The following KIF13A variants were observed in gnomAD, a reference collection of about 807,000 sequenced individuals.
KIF13A encodes kinesin-like protein KIF13A.
In KIF13A, 79 loss-of-function variants were observed where a neutral mutation model predicts 212.2. The observed-to-expected ratio is 0.37, with a 90% confidence interval of 0.31 to 0.45. The LOEUF (loss-of-function observed/expected upper bound fraction) is 0.45. KIF13A is among the 20% of genes least tolerant of loss of function. The pLI is 1.00. For synonymous variants in KIF13A, 789 were observed against 808.6 expected, an observed-to-expected ratio of 0.98 and a Z score of 0.41; for missense variants, 1,901 against 2,209.0, an observed-to-expected ratio of 0.86 and a Z score of 2.79.
chr6:17,782,906 T>C (rs1760727936), intron 29 of KIF13A, among the ~76,000 whole-genome samples: 1 of 152,222 alleles, frequency 6.6e-6, no homozygotes, highest in Admixed American at 6.5e-5. Flanking sequence ...ATACCTCCTA[T>C]GACAGGGAAC....
At chr6:17,780,607 T>C in intron 31 of KIF13A, 123 bp downstream of exon 31, 1 of 848,990 alleles carries the variant, frequency 1.2e-6, no homozygotes, top group Non-Finnish European at 1.9e-6. Context: ...AATCAGACTA[T>C]AACTTGGCCA....
intron 2 of KIF13A, among the ~76,000 whole-genome samples, chr6:17,976,945 T>TA (rs951339174): frequency 6.7e-6 from 1 of 150,090 alleles, no homozygotes; most frequent in Admixed American, 6.6e-5. Context: ...ACTAAAAATA[T>TA]AAAAAAATTA....
chr6:17,894,543 C>A (rs540263250), intron 3 of KIF13A, among the ~76,000 whole-genome samples: 2 of 151,874 alleles, frequency 1.3e-5, no homozygotes, highest in African/African-American at 4.8e-5. Flanking sequence ...CAAAAAACTT[C>A]GGCAGATAGT....
Position 17,763,771 on chromosome 6 carries a change from A to G in KIF13A, c.*339T>C. Reference sequence around the variant, plus strand: ...TAATGGTTCATATAATAATCAAAGGAATCACAGATTTGATGAAATATGGTA... The same window carrying G: ...TAATGGTTCATATAATAATCAAAGGGATCACAGATTTGATGAAATATGGTA... On this transcript the variant is annotated 3_prime_UTR_variant, in exon 39 of 39. Transcript: ENST00000259711. 1.1e-6 allele frequency: 1 copy of G among 946,758 alleles called. No individual in the cohort carries two copies. Among genetic ancestry groups the G allele is most frequent in the Non-Finnish European group, 1.3e-6 (1 of 764,240 alleles). The allele number at this position is 946,758 out of a possible 1,614,324, so 58.6% of individuals were successfully genotyped here.
chr6:17,767,610 C>T (rs564760310), intron 38 of KIF13A, among the ~76,000 whole-genome samples: 190 of 152,242 alleles, frequency 1.2e-3, no homozygotes, highest in Admixed American at 3.4e-3. Flanking sequence ...TTTAAGTTGG[C>T]AAACACAATT....
intron 2 of KIF13A, among the ~76,000 whole-genome samples, chr6:17,974,486 T>C (rs1328488079): frequency 6.6e-6 from 1 of 152,186 alleles, no homozygotes; most frequent in East Asian, 1.9e-4. Context: ...GGTCAAACCT[T>C]TGGATGGCTA....
intron 2 of KIF13A, among the ~76,000 whole-genome samples, chr6:17,907,551 TG>T (rs1773625411): frequency 2.0e-5 from 3 of 146,796 alleles, no homozygotes; most frequent in Admixed American, 1.3e-4. Context: ...AAGGCATTTA[TG>T]GAAAAAAAAA....
chr6:17,803,186 T>C (rs1762626519), intron 20 of KIF13A, among the ~76,000 whole-genome samples: 1 of 151,886 alleles, frequency 6.6e-6, no homozygotes, highest in Non-Finnish European at 1.5e-5. Context: ...CACCTGCCTC[T>C]GCCTCCCAAA....
intron 4 of KIF13A, among the ~76,000 whole-genome samples, chr6:17,867,138 A>G (rs1769483805): frequency 6.6e-6 from 1 of 151,978 alleles, no homozygotes; most frequent in Non-Finnish European, 1.5e-5. Context: ...AAACTGTTCT[A>G]TGTCAGTTGT....
rs1045554691 is a variant in KIF13A at position 17,786,194 on chromosome 6, C to T, written c.3362-553G>A. Among the ~76,000 whole-genome samples the T allele has an allele frequency of 6.6e-6, 1 of 152,158 alleles. No homozygotes were observed. The highest frequency in any genetic ancestry group is 2.4e-5 in the African/African-American group (1 of 41,434). On this transcript the variant is annotated intron_variant, in intron 27 of 38. Transcript: ENST00000259711. This position sits in a 1 kb window ranked among gnomAD's most constrained non-coding sequence, Gnocchi z 5.4. ...AGATGAGTCTCCTTAACCTGTCAAA[C>T]AGGGATAAAAGAAGTCGTATCTACT...
At chr6:17,979,436 G>T (rs980446954) in intron 2 of KIF13A, among the ~76,000 whole-genome samples, 4 of 152,188 alleles carry the variant, frequency 2.6e-5, no homozygotes, top group African/African-American at 9.6e-5. Context: ...ATTGTTGGAA[G>T]TTCAATAGAA....
chr6:17,777,542 G>A lies in KIF13A; in HGVS notation c.4093-188C>T, dbSNP rs994342818. Among the ~76,000 whole-genome samples, 6 of 151,824 alleles carry A rather than the reference G, an allele frequency of 4.0e-5. No homozygotes were observed. In the East Asian group the frequency reaches 1.2e-3, roughly 29 times the overall value. ...ACTACAGGTGCACGCCACCACACTC[G>A]GCTAATTTTTTTTTGTATTTTAGTA... On this transcript the variant is annotated intron_variant, in intron 33 of 38. Transcript: ENST00000259711. The surrounding 1 kb of genome is among the most constrained non-coding windows in gnomAD (Gnocchi z 4.4).
At chr6:17,795,685 T>C (rs959169190) in intron 23 of KIF13A, among the ~76,000 whole-genome samples, 76 of 152,286 alleles carry the variant, frequency 5.0e-4, no homozygotes, top group African/African-American at 1.7e-3. Flanking sequence ...AGTGGGATTC[T>C]TGGGTCATAA....
At chr6:17,962,356 C>A (rs534008025) in intron 2 of KIF13A, among the ~76,000 whole-genome samples, 26 of 152,034 alleles carry the variant, frequency 1.7e-4, no homozygotes, top group African/African-American at 5.3e-4. Flanking sequence ...GAAGAACAGG[C>A]TTGAAATGTC....
chr6:17,900,133 G>A lies in KIF13A; in HGVS notation c.147-1953C>T, dbSNP rs1203233924. 1.3e-5 allele frequency among the ~76,000 whole-genome samples: 2 copies of A among 152,178 alleles called. No individual in the cohort carries two copies. The highest frequency in any genetic ancestry group is 2.9e-5 in the Non-Finnish European group (2 of 68,030). On this transcript the variant is annotated intron_variant, in intron 2 of 38. Transcript: ENST00000259711. This position sits in a 1 kb window ranked among gnomAD's most constrained non-coding sequence, Gnocchi z 4.6. ...CACAGACCAAAGGTAATTAAATATA[G>A]GTTTCCCATTTATGTTATGATGAAC...
intron 20 of KIF13A, among the ~76,000 whole-genome samples, chr6:17,802,103 T>C (rs2150335050): frequency 6.6e-6 from 1 of 152,296 alleles, no homozygotes; most frequent in South Asian, 2.1e-4. Context: ...GTAGTACTGC[T>C]ATCATCCTAA....
intron 17 of KIF13A, among the ~76,000 whole-genome samples, chr6:17,810,771 C>T (rs767694823): frequency 5.3e-5 from 8 of 152,106 alleles, no homozygotes; most frequent in African/African-American, 9.7e-5. Flanking sequence ...CTAGATCTCT[C>T]GCATGTACAG....
chr6:17,985,214 A>G (rs550110746), intron 2 of KIF13A, among the ~76,000 whole-genome samples: 1 of 152,310 alleles, frequency 6.6e-6, no homozygotes, highest in Admixed American at 6.5e-5. Flanking sequence ...CCATATTTCA[A>G]TGCTATTTTT....
intron 2 of KIF13A, chr6:17,950,448 T>C: frequency 1.8e-5 from 18 of 981,442 alleles, no homozygotes; most frequent in Non-Finnish European, 2.1e-5. Flanking sequence ...CAAATAAAAC[T>C]CTGTAATTAT....
Sources: gnomAD v4.1 joint callset for allele counts (sites outside exome capture counted in the v4.1 genomes callset) on GRCh38, gnomAD v4.1.1 for gene constraint, Gnocchi (gnomAD v3.1) non-coding constraint, MANE v1.5 for transcripts, NCBI Gene and HGNC (gene_info 2026-07-23, HGNC 2026-07-21) for gene names.